The following BRCA2 variants were observed in gnomAD, a reference collection of about 807,000 sequenced individuals.
The protein encoded by BRCA2 is BRCA2 DNA repair associated.
BRCA2 carries 203 observed loss-of-function variants against 276.7 expected under a neutral mutation model. The observed-to-expected ratio is 0.73, with a 90% confidence interval of 0.65 to 0.82. The LOEUF is 0.82. Ranked by LOEUF, BRCA2 falls within the 40% of genes least tolerant of loss-of-function variation. BRCA2 has a pLI of 0.00. For synonymous variants in BRCA2, 1,289 were observed against 1,338.4 expected (o/e 0.96, Z 0.81); for missense variants, 3,920 against 3,915.0 (o/e 1.00, Z -0.03).
At chr13:32,395,023 A>G (rs2137655159) in intron 25 of BRCA2, 90 bp downstream of exon 25, 2 of 1,559,524 alleles carry the variant, frequency 1.3e-6, no homozygotes, top group South Asian at 1.1e-5. Context: ...TACAAATTGG[A>G]TAGTTGAGGT....
chr13:32,378,921 C>A (rs776968491), intron 21 of BRCA2, among the ~76,000 whole-genome samples: 1 of 152,138 alleles, frequency 6.6e-6, no homozygotes, highest in Non-Finnish European at 1.5e-5. Flanking sequence ...TTAGTTGTCC[C>A]CTTTGTGCCT....
In BRCA2 at chr13:32,332,992, T is replaced by C. The variant is rs28897708; in HGVS notation, c.1514T>C (p.Ile505Thr). The C allele has an allele frequency of 9.9e-4, 1,575 of 1,593,866 alleles. 1 individual carries two copies. Among genetic ancestry groups the C allele is most frequent in the Non-Finnish European group, 1.1e-3 (1,286 of 1,174,904 alleles). Reference sequence around the variant, plus strand: ...TCATTTCAGGGTATCAAAAAGTCTATATTCAGAATAAGAGAATCACCTAAA... The same window carrying C: ...TCATTTCAGGGTATCAAAAAGTCTACATTCAGAATAAGAGAATCACCTAAA... ...ASSFQGIKKS[I>T]FRIRESPKET... The change falls in exon 10 of 27, where the codon ATA becomes ACA. Residue 505 changes from isoleucine to threonine, a missense_variant. Transcript: ENST00000380152.
In BRCA2 at chr13:32,363,242, C is replaced by G. The variant is rs876660013; in HGVS notation, c.8040C>G (p.Asp2680Glu). 3 of 1,613,852 alleles carry G rather than the reference C, an allele frequency of 1.9e-6. No homozygotes were observed. The East Asian group carries it at 6.7e-5, about 36-fold the overall frequency. The change falls in exon 18 of 27, where the codon GAC becomes GAG. Residue 2680 changes from aspartate to glutamate, a missense_variant. Coordinates refer to ENST00000380152, the MANE Select transcript of BRCA2 (RefSeq NM_000059.4). The part of the protein sequence containing the change: ...SAIKKIMERD[D>E]TAAKTLVLCV... ...TAAAAAAGATAATGGAAAGGGATGA[C>G]ACAGCTGCAAAAACACTTGTTCTCT... is the stretch of plus-strand genomic sequence containing the variant.
chr13:32,356,711 A>G (rs984016059), intron 15 of BRCA2, 102 bp downstream of exon 15: 1 of 1,334,246 alleles, frequency 7.5e-7, no homozygotes, highest in African/African-American at 1.4e-5. Flanking sequence ...TGAACACATT[A>G]GTGCAGGAAT....
chr13:32,335,532 GT>G (rs1233952320), intron 10 of BRCA2, among the ~76,000 whole-genome samples: 1 of 151,758 alleles, frequency 6.6e-6, no homozygotes, highest in Non-Finnish European at 1.5e-5. Context: ...TTGTGGTTTT[GT>G]TTTTTTCAAT....
At chr13:32,350,604 T>G (rs1235498291) in intron 13 of BRCA2, among the ~76,000 whole-genome samples, 1 of 151,786 alleles carries the variant, frequency 6.6e-6, no homozygotes, top group Non-Finnish European at 1.5e-5. Flanking sequence ...CAAAACAAAA[T>G]TAGCCAGACG....
Position 32,363,218 on chromosome 13 carries a change from A to T in BRCA2, c.8016A>T (p.Ile2672=), listed in dbSNP as rs730881562. 1 of 1,613,936 alleles carries T rather than the reference A, an allele frequency of 6.2e-7. No homozygotes were observed. The highest frequency in any genetic ancestry group is 8.5e-7 in the Non-Finnish European group (1 of 1,179,948). Residue 2672 remains isoleucine, a synonymous_variant, in exon 18 of 27, where the codon ATA becomes ATT. Coordinates refer to ENST00000380152, the MANE Select transcript of BRCA2 (RefSeq NM_000059.4). ...TTGATAGAAGCAGAAGATCGGCTAT[A>T]AAAAAGATAATGGAAAGGGATGACA... ...TEIDRSRRSA[I]KKIMERDDTA... is the part of the protein sequence containing the mutation.
rs1168497096 is a variant in BRCA2, at chr13:32,326,734, T to C, written c.631+121T>C. ...TATTAGATAATGTCTTTGATAAGTG[T>C]GTTAGTAACTGACAATAATTTTATT... is the stretch of plus-strand genomic sequence containing the variant. On this transcript the variant is annotated intron_variant, in intron 7 of 26. Coordinates refer to ENST00000380152, the MANE Select transcript of BRCA2 (RefSeq NM_000059.4). 9.8e-6 allele frequency: 7 copies of C among 712,642 alleles called. No homozygotes were observed. The East Asian group carries it at 1.9e-4, about 19-fold the overall frequency. 44.1% of individuals were successfully genotyped at this position (712,642 alleles called of 1,614,324 possible). A position where few individuals can be genotyped will look rare whatever the true frequency, so the allele number is the denominator to read the frequency against.
At chr13:32,352,672 C>T (rs1316260643) in intron 13 of BRCA2, among the ~76,000 whole-genome samples, 1 of 152,092 alleles carries the variant, frequency 6.6e-6, no homozygotes, top group Non-Finnish European at 1.5e-5. Context: ...TAGGAAGCTT[C>T]CTGTATGTCA....
At chr13:32,377,520 G>T (rs1315663704) in intron 21 of BRCA2, among the ~76,000 whole-genome samples, 1 of 151,230 alleles carries the variant, frequency 6.6e-6, no homozygotes, top group Admixed American at 6.6e-5. Context: ...AATCCAGGAG[G>T]CAGAGGTTGC....
intron 24 of BRCA2, among the ~76,000 whole-genome samples, chr13:32,380,680 A>G (rs1321695790): frequency 1.3e-5 from 2 of 151,756 alleles, no homozygotes; most frequent in African/African-American, 4.8e-5. Flanking sequence ...AGCTGGGACT[A>G]CATATACCCG....
At chr13:32,369,653 A>T (rs1593929666) in intron 18 of BRCA2, among the ~76,000 whole-genome samples, 1 of 151,980 alleles carries the variant, frequency 6.6e-6, no homozygotes, top group African/African-American at 2.4e-5. Flanking sequence ...GGCTCACTGC[A>T]CCCTCTGCCT....
rs11571797 is a variant in BRCA2 at position 32,388,418 on chromosome 13, G to A, written c.9257-6271G>A. ...ATAGGCTTGAGCCACTATGCCCAGCGTGTCTTAGGATTTTTCAACTTTATA... is the reference window on the plus strand; with the variant it reads ...ATAGGCTTGAGCCACTATGCCCAGCATGTCTTAGGATTTTTCAACTTTATA... On this transcript the variant is annotated intron_variant, in intron 24 of 26. Coordinates refer to ENST00000380152, the MANE Select transcript of BRCA2 (RefSeq NM_000059.4). Among the ~76,000 whole-genome samples the A allele has an allele frequency of 3.5e-3, 537 of 152,188 alleles. 3 individuals carry two copies. Among genetic ancestry groups the A allele is most frequent in the African/African-American group, 0.013 (524 of 41,522 alleles).
Position 32,340,497 on chromosome 13 carries a change from A to C in BRCA2, c.6142A>C (p.Asn2048His), listed in dbSNP as rs1367585890. 6.2e-7 allele frequency: 1 copy of C among 1,613,676 alleles called. No homozygotes were observed. Among genetic ancestry groups the C allele is most frequent in the Non-Finnish European group, 8.5e-7 (1 of 1,179,786 alleles). Residue 2048 changes from asparagine (N) to histidine (H), a missense_variant, in exon 11 of 27, where the codon AAT becomes CAT. Transcript: ENST00000380152. ...HLISQKGFSYNVVNSSAFSGF... is the reference protein window; with the variant it reads ...HLISQKGFSYHVVNSSAFSGF... ...AATATCCCAAAAAGGCTTTTCATAT[A>C]ATGTGGTAAATTCATCTGCTTTCTC...
In BRCA2 at chr13:32,331,133, AC is replaced by A. The variant is rs2072389013; in HGVS notation, c.793+105del. 1.6e-5 allele frequency: 13 copies of A among 790,158 alleles called. 1 individual carries two copies. The highest frequency in any genetic ancestry group is 2.8e-5 in the Non-Finnish European group (13 of 472,598). 48.9% of individuals were successfully genotyped at this position (790,158 alleles called of 1,614,324 possible). A position where few individuals can be genotyped will look rare whatever the true frequency, so the allele number is the denominator to read the frequency against. On this transcript the variant is annotated intron_variant, in intron 9 of 26. Transcript: ENST00000380152. ...GCTCTGTCACCCGTGATCTCGGTTT[AC>A]CGCAACCTCTGCCTCCCGTGCTCAA...
intron 24 of BRCA2, among the ~76,000 whole-genome samples, chr13:32,383,753 C>T (rs112398802): frequency 7.2e-5 from 11 of 151,732 alleles, no homozygotes; most frequent in South Asian, 2.1e-4. Context: ...TTGTAGGTCA[C>T]GGTGGGTTTG....
chr13:32,362,803 A>T (rs913549329), intron 17 of BRCA2, 110 bp downstream of exon 17: 5 of 1,205,130 alleles, frequency 4.1e-6, no homozygotes, highest in Non-Finnish European at 2.4e-6. Flanking sequence ...TGTCAGTGAC[A>T]GTTGCCATCC....
At position 32,336,722 on chromosome 13, in the gene BRCA2, A is replaced by G. The variant is rs1228502654; in HGVS notation, c.2367A>G (p.Lys789=). The G allele has an allele frequency of 6.2e-7, 1 of 1,613,934 alleles. No individual in the cohort carries two copies. Among genetic ancestry groups the G allele is most frequent in the Non-Finnish European group, 8.5e-7 (1 of 1,179,962 alleles). The part of the protein sequence containing the change: ...LSNLVMISRG[K]ESYKMSDKLK... The stretch of plus-strand genomic sequence containing the variant: ...ACCTAGTCATGATTTCTAGAGGCAA[A>G]GAATCATACAAAATGTCAGACAAGC... The change falls in exon 11 of 27, where the codon AAA becomes AAG. Residue 789 remains lysine, a synonymous_variant. Transcript: ENST00000380152.
In BRCA2 at chr13:32,336,972, A is replaced by AT. The variant is rs398122749; in HGVS notation, c.2618dup (p.Thr874AsnfsTer7). On this transcript the variant is annotated frameshift_variant, in exon 11 of 27. Coordinates refer to ENST00000380152, the MANE Select transcript of BRCA2 (RefSeq NM_000059.4). LOFTEE classifies it high-confidence loss of function. ...AGAAGAAACTACTTCAATTTCAAAAATAACTGTCAATCCAGACTCTGAAGA... is the reference window on the plus strand; with the variant it reads ...AGAAGAAACTACTTCAATTTCAAAAATTAACTGTCAATCCAGACTCTGAAGA... 2.5e-6 allele frequency: 4 copies of AT among 1,584,582 alleles called. No individual in the cohort carries two copies. The highest frequency in any genetic ancestry group is 3.4e-6 in the Non-Finnish European group (4 of 1,172,070).
Sources: gnomAD v4.1 joint callset for allele counts (sites outside exome capture counted in the v4.1 genomes callset) on GRCh38, gnomAD v4.1.1 for gene constraint, MANE v1.5 for transcripts, NCBI Gene and HGNC (gene_info 2026-07-23, HGNC 2026-07-21) for gene names.